The following SPOP variants were observed in gnomAD, a reference collection of about 807,000 sequenced individuals.
SPOP encodes speckle-type POZ protein.
SPOP carries 11 observed loss-of-function variants against 45.6 expected under a neutral mutation model. The ratio of observed to expected loss-of-function variants is 0.24; its 90% confidence interval spans 0.15 to 0.40. The LOEUF is 0.40. Ranked by LOEUF, SPOP falls within the 10% of genes least tolerant of loss-of-function variation. SPOP has a pLI of 1.00. For synonymous variants in SPOP, 166 were observed against 166.3 expected, an observed-to-expected ratio of 1.00 and a Z score of 0.01; for missense variants, 152 against 465.6, an observed-to-expected ratio of 0.33 and a Z score of 6.20.
intron 1 of SPOP, among the ~76,000 whole-genome samples, chr17:49,660,532 T>C (rs2143529279): frequency 6.6e-6 from 1 of 152,108 alleles, no homozygotes; most frequent in Admixed American, 6.6e-5. Context: ...TCCATGAGAG[T>C]AGGGATTTTT....
chr17:49,666,179 G>C (rs2073055054), intron 1 of SPOP, among the ~76,000 whole-genome samples: 2 of 151,856 alleles, frequency 1.3e-5, no homozygotes, highest in Admixed American at 1.3e-4. Flanking sequence ...AAACATTTAA[G>C]TGGCATTAGA....
intron 1 of SPOP, among the ~76,000 whole-genome samples, chr17:49,661,907 G>A (rs375308126): frequency 1.3e-5 from 2 of 150,746 alleles, no homozygotes; most frequent in South Asian, 2.1e-4. Flanking sequence ...CAGCTACTTT[G>A]GAGGCTGAGG....
intron 1 of SPOP, among the ~76,000 whole-genome samples, chr17:49,629,773 T>C (rs2143360106): frequency 6.6e-6 from 1 of 152,324 alleles, no homozygotes; most frequent in East Asian, 1.9e-4. Flanking sequence ...ATCAGTCTAA[T>C]CTACTTATCC....
intron 1 of SPOP, among the ~76,000 whole-genome samples, chr17:49,640,991 G>T (rs963588864): frequency 6.6e-6 from 1 of 152,096 alleles, no homozygotes; most frequent in Non-Finnish European, 1.5e-5. Flanking sequence ...GGCTGAGCGT[G>T]GTGGCTCACG....
At chr17:49,613,889 T>C (rs1021169708) in intron 5 of SPOP, among the ~76,000 whole-genome samples, 2 of 152,188 alleles carry the variant, frequency 1.3e-5, no homozygotes, top group African/African-American at 2.4e-5. Flanking sequence ...TTAATGCCTA[T>C]AAAGTTGACT....
chr17:49,634,298 A>T (rs993407495), intron 1 of SPOP, among the ~76,000 whole-genome samples: 1 of 152,242 alleles, frequency 6.6e-6, no homozygotes, highest in Non-Finnish European at 1.5e-5. Context: ...CTAGGGCCAC[A>T]AAGAGTGAAC....
chr17:49,640,983 C>T (rs898954885), intron 1 of SPOP, among the ~76,000 whole-genome samples: 10 of 152,158 alleles, frequency 6.6e-5, no homozygotes, highest in African/African-American at 2.4e-4. Context: ...GAATTCCTGG[C>T]TGAGCGTGGT....
intron 1 of SPOP, among the ~76,000 whole-genome samples, chr17:49,657,160 C>T (rs958900676): frequency 2.6e-5 from 4 of 151,384 alleles, no homozygotes; most frequent in Admixed American, 2.6e-4. Context: ...TGCGCCACTG[C>T]ACTCCAGCCT....
chr17:49,642,928 T>C (rs377086235), intron 1 of SPOP, among the ~76,000 whole-genome samples: 48 of 152,396 alleles, frequency 3.1e-4, no homozygotes, highest in African/African-American at 1.1e-3. Flanking sequence ...TATGTTAAAG[T>C]TGGCGTAAGC....
At chr17:49,617,510 C>A (rs1228171718) in intron 5 of SPOP, among the ~76,000 whole-genome samples, 3 of 152,246 alleles carry the variant, frequency 2.0e-5, no homozygotes, top group Middle Eastern at 3.4e-3. Flanking sequence ...CCTTCTTTTA[C>A]TTGGTAATTA....
rs950330363 is a variant in SPOP, at chr17:49,619,887, G to A, written c.201-502C>T. 2.6e-5 allele frequency among the ~76,000 whole-genome samples: 4 copies of A among 152,146 alleles called. No individual in the cohort carries two copies. The highest frequency in any genetic ancestry group is 4.4e-5 in the Non-Finnish European group (3 of 68,034). The stretch of plus-strand genomic sequence containing the variant: ...AAAAAGTAAACAACAGGCTGGGTGC[G>A]GTGGCTCACCCCTGTAATCTCAGCA... On this transcript the variant is annotated intron_variant, in intron 3 of 9. Transcript: ENST00000504102. This position sits in a 1 kb window ranked among gnomAD's most constrained non-coding sequence, Gnocchi z 4.9.
At chr17:49,622,636 G>A (rs1378250434) in intron 2 of SPOP, 97 bp downstream of exon 2, 13 of 1,049,478 alleles carry the variant, frequency 1.2e-5, no homozygotes, top group Middle Eastern at 2.5e-4. Flanking sequence ...ATGTTCCAGA[G>A]AAAGCAAGAA....
intron 5 of SPOP, among the ~76,000 whole-genome samples, chr17:49,613,396 T>C (rs1387229807): frequency 2.0e-5 from 3 of 152,188 alleles, no homozygotes; most frequent in Admixed American, 2.0e-4. Context: ...GGTTCCTAGC[T>C]TGAATTAAAC....
chr17:49,656,211 C>T lies in SPOP; in HGVS notation c.-67+21722G>A, dbSNP rs191125227. 8.5e-4 allele frequency among the ~76,000 whole-genome samples: 129 copies of T among 152,270 alleles called. 1 individual carries two copies. In the Middle Eastern group the frequency reaches 0.017, roughly 20 times the overall value. ...ATATTACAAAAGAATCTGAGATCCACAAAAGTTGCAACTAGTCTATCTATA... is the reference window on the plus strand; with the variant it reads ...ATATTACAAAAGAATCTGAGATCCATAAAAGTTGCAACTAGTCTATCTATA... On this transcript the variant is annotated intron_variant, in intron 1 of 9. Coordinates refer to ENST00000504102, the MANE Select transcript of SPOP (RefSeq NM_001007228.2).
At chr17:49,627,057 G>A (rs959914626) in intron 1 of SPOP, among the ~76,000 whole-genome samples, 2 of 152,140 alleles carry the variant, frequency 1.3e-5, no homozygotes, top group Non-Finnish European at 2.9e-5. Context: ...CACCATGTTA[G>A]CCAGGATGGT....
At chr17:49,651,480 T>G (rs750526429) in intron 1 of SPOP, among the ~76,000 whole-genome samples, 28 of 152,226 alleles carry the variant, frequency 1.8e-4, no homozygotes, top group Non-Finnish European at 4.1e-4. Flanking sequence ...AAGATAAATT[T>G]GCAACTCTAT....
At chr17:49,643,845 G>C (rs758129601) in intron 1 of SPOP, among the ~76,000 whole-genome samples, 1 of 151,314 alleles carries the variant, frequency 6.6e-6, no homozygotes, top group Non-Finnish European at 1.5e-5. Context: ...AAGGAGAATC[G>C]CTTGAACCCA....
intron 1 of SPOP, among the ~76,000 whole-genome samples, chr17:49,626,451 T>C (rs1212831620): frequency 6.6e-6 from 1 of 152,134 alleles, no homozygotes; most frequent in Non-Finnish European, 1.5e-5. Flanking sequence ...TCCCAGCACT[T>C]TGGGAAGCCA....
chr17:49,624,329 G>GCGCA (rs774449417), intron 1 of SPOP, among the ~76,000 whole-genome samples: 1 of 85,906 alleles, frequency 1.2e-5, no homozygotes, highest in Admixed American at 1.3e-4. Flanking sequence ...ACGCGCGCGC[G>GCGCA]CGCACACACA....
Sources: gnomAD v4.1 joint callset for allele counts (sites outside exome capture counted in the v4.1 genomes callset) on GRCh38, gnomAD v4.1.1 for gene constraint, Gnocchi (gnomAD v3.1) non-coding constraint, MANE v1.5 for transcripts, NCBI Gene and HGNC (gene_info 2026-07-23, HGNC 2026-07-21) for gene names.